The following SNRNP40 variants were observed in gnomAD, a reference collection of about 807,000 sequenced individuals.
SNRNP40 encodes the protein U5 small nuclear ribonucleoprotein 40 kDa protein.
A neutral mutation model predicts 45.8 loss-of-function variants in SNRNP40; 21 were observed. The observed-to-expected ratio is 0.46, with a 90% CI of 0.32 to 0.66. The LOEUF (loss-of-function observed/expected upper bound fraction) is 0.66. Among genes scored for constraint, SNRNP40 ranks in the 30% least tolerant of loss-of-function variants. The pLI, the probability that SNRNP40 is intolerant of heterozygous loss-of-function variation, is 0.03. For missense variants in SNRNP40, 344 were observed against 439.1 expected, an observed-to-expected ratio of 0.78 and a Z score of 1.94; for synonymous variants, 142 against 163.8, an observed-to-expected ratio of 0.87 and a Z score of 1.01.
intron 9 of SNRNP40, 51 bp from the exon 10 acceptor site, chr1:31,260,172 TG>T: frequency 7.3e-7 from 1 of 1,368,450 alleles, no homozygotes; most frequent in Non-Finnish European, 1.0e-6. Context: ...CAAGGAGACT[TG>T]GTGCTCAAGG....
At position 31,259,787 on chromosome 1, in the gene SNRNP40, T is replaced by C. The variant is rs2148377558; in HGVS notation, c.*285A>G. On this transcript the variant is annotated 3_prime_UTR_variant, in exon 10 of 10. Transcript: ENST00000263694. ...AAAAAAAAAATCCCAACCAACAAAT[T>C]TGTCACATTGGGCCTGCATTAGAAA... 1 of 576,166 alleles carries C rather than the reference T, an allele frequency of 1.7e-6. No homozygotes were observed. The highest frequency in any genetic ancestry group is 3.6e-5 in the East Asian group (1 of 27,942). The allele number at this position is 576,166 out of a possible 1,614,324, so 35.7% of individuals were successfully genotyped here.
At chr1:31,274,263 A>T (rs375638424) in intron 5 of SNRNP40, among the ~76,000 whole-genome samples, 1 of 152,178 alleles carries the variant, frequency 6.6e-6, no homozygotes, top group East Asian at 1.9e-4. Context: ...ATTGAGACCG[A>T]GTCTCCCTCT....
At chr1:31,273,542 A>C (rs1241221436) in intron 5 of SNRNP40, among the ~76,000 whole-genome samples, 2 of 152,088 alleles carry the variant, frequency 1.3e-5, no homozygotes, top group Non-Finnish European at 2.9e-5. Context: ...CGGGAGGCTG[A>C]GGCAGAAGAA....
chr1:31,261,584 C>G lies in SNRNP40; in HGVS notation c.969G>C (p.Leu323=). Reference sequence around the variant, plus strand: ...CATTGATGGAGCCAGCATGGCCGGGCAGCTTATACAATATTCTCCTGCTTG... The same window carrying G: ...CATTGATGGAGCCAGCATGGCCGGGGAGCTTATACAATATTCTCCTGCTTG... ...DTTSRRILYK[L]PGHAGSINEV... is the part of the protein sequence containing the mutation. Residue 323 remains leucine, a synonymous_variant, in exon 9 of 10, where the codon CTG becomes CTC. Coordinates refer to ENST00000263694, the MANE Select transcript of SNRNP40 (RefSeq NM_004814.3). The G allele has an allele frequency of 6.2e-7, 1 of 1,614,070 alleles. No homozygotes were observed. The highest frequency in any genetic ancestry group is 8.5e-7 in the Non-Finnish European group (1 of 1,179,970).
intron 5 of SNRNP40, among the ~76,000 whole-genome samples, chr1:31,271,717 C>CGCTGTA (rs1391672667): frequency 1.3e-5 from 2 of 151,660 alleles, no homozygotes; most frequent in African/African-American, 2.4e-5. Context: ...TATCATGGCT[C>CGCTGTA]GCTGTAGCCT....
rs1646120094 is a variant in SNRNP40, at chr1:31,293,335, C to T, written c.155G>A (p.Cys52Tyr). The stretch of plus-strand genomic sequence containing the variant: ...CATGATTGGGGCTTGAAGGGAGGAA[C>T]ATCTTGGAGGTCCCTAAACAAAAGA... ...GALLQAGPPR[C>Y]SSLQAPIMLL... The change falls in exon 2 of 10, where the codon TGT becomes TAT. Residue 52 changes from cysteine to tyrosine, a missense_variant. Around this residue, in one of 2 missense-constraint regions of SNRNP40, gnomAD observed 254 missense variants for 380.2 expected, o/e 0.67. Transcript: ENST00000263694. 1.9e-6 allele frequency: 3 copies of T among 1,609,960 alleles called. No individual in the cohort carries two copies. Among genetic ancestry groups the T allele is most frequent in the Non-Finnish European group, 2.5e-6 (3 of 1,178,804 alleles).
At chr1:31,273,957 T>G (rs1055779394) in intron 5 of SNRNP40, among the ~76,000 whole-genome samples, 11 of 152,028 alleles carry the variant, frequency 7.2e-5, no homozygotes, top group African/African-American at 2.7e-4. Context: ...AAGGAAGTTT[T>G]TTTTTGTTTT....
intron 5 of SNRNP40, among the ~76,000 whole-genome samples, chr1:31,275,020 G>A (rs866661794): frequency 1.3e-5 from 2 of 152,116 alleles, no homozygotes; most frequent in Admixed American, 6.5e-5. Context: ...TGTCACACAA[G>A]GGCTCAAGAC....
chr1:31,261,753 T>C (rs1264745830), intron 8 of SNRNP40, 121 bp from the exon 9 acceptor site: 2 of 618,678 alleles, frequency 3.2e-6, no homozygotes, highest in Non-Finnish European at 5.7e-6. Context: ...TACTGAACCA[T>C]GTTCTGGCTT....
intron 3 of SNRNP40, among the ~76,000 whole-genome samples, chr1:31,290,777 C>G (rs1026057857): frequency 6.6e-6 from 1 of 152,040 alleles, no homozygotes; most frequent in African/African-American, 2.4e-5. Context: ...ACTCAGGAGG[C>G]TGAGGCAGGA....
At chr1:31,277,150 T>C (rs1351092729) in intron 5 of SNRNP40, among the ~76,000 whole-genome samples, 3 of 152,142 alleles carry the variant, frequency 2.0e-5, no homozygotes, top group Admixed American at 6.5e-5. Flanking sequence ...TGAGCCATGA[T>C]TGCACCACTG....
Position 31,284,040 on chromosome 1 carries a change from A to G in SNRNP40, c.532-2544T>C, listed in dbSNP as rs1569663453. ...AGAGTTAGCGACCAGCCTGAGCAAC[A>G]TGGTGATTCCTCATCTCTACAAAAT... On this transcript the variant is annotated intron_variant, in intron 4 of 9. Transcript: ENST00000263694. Among the ~76,000 whole-genome samples, 4 of 152,306 alleles carry G rather than the reference A, an allele frequency of 2.6e-5. No individual in the cohort carries two copies. In the South Asian group the frequency reaches 6.2e-4, roughly 24 times the overall value.
chr1:31,288,469 G>T (rs1569669924), intron 4 of SNRNP40, among the ~76,000 whole-genome samples: 1 of 152,178 alleles, frequency 6.6e-6, no homozygotes. Context: ...TCACTTGAAG[G>T]ACACATTAAA....
At chr1:31,276,854 G>A (rs1340016492) in intron 5 of SNRNP40, among the ~76,000 whole-genome samples, 4 of 152,092 alleles carry the variant, frequency 2.6e-5, no homozygotes, top group Non-Finnish European at 5.9e-5. Context: ...TCAACATGGT[G>A]AAACCATGTC....
chr1:31,285,078 G>A (rs993273722), intron 4 of SNRNP40, among the ~76,000 whole-genome samples: 1 of 152,098 alleles, frequency 6.6e-6, no homozygotes, highest in African/African-American at 2.4e-5. Flanking sequence ...GGTAGTCAAA[G>A]TTTGTTTAAA....
rs144812175 is a variant in SNRNP40 at position 31,262,545 on chromosome 1, G to A, written c.921-913C>T. On this transcript the variant is annotated intron_variant, in intron 8 of 9. Coordinates refer to ENST00000263694, the MANE Select transcript of SNRNP40 (RefSeq NM_004814.3). ...CCAAAAAAAAAAAAAAAAAAAAAAA[G>A]AGGAGAAAAAAGAAATCAGCTTCTC... Among the ~76,000 whole-genome samples the A allele has an allele frequency of 2.2e-3, 63 of 28,472 alleles. 1 individual carries two copies. The highest frequency in any genetic ancestry group is 4.3e-3 in the African/African-American group (43 of 9,964). The allele number at this position is 28,472 out of a possible 152,430, so 18.7% of individuals were successfully genotyped here. A position where few individuals can be genotyped will look rare whatever the true frequency, so the allele number is the denominator to read the frequency against.
chr1:31,280,582 T>C (rs1055408326), intron 5 of SNRNP40, among the ~76,000 whole-genome samples: 1 of 152,166 alleles, frequency 6.6e-6, no homozygotes, highest in Non-Finnish European at 1.5e-5. Context: ...CTCTTCTTAC[T>C]ATAAAGCAGA....
chr1:31,267,490 C>T (rs769646476), intron 8 of SNRNP40, among the ~76,000 whole-genome samples: 2 of 152,252 alleles, frequency 1.3e-5, no homozygotes, highest in South Asian at 2.1e-4. Context: ...TCCATATCCA[C>T]GCTTTATGTA....
chr1:31,279,444 T>C (rs780846010), intron 5 of SNRNP40, among the ~76,000 whole-genome samples: 32 of 152,222 alleles, frequency 2.1e-4, no homozygotes, highest in Non-Finnish European at 3.5e-4. Flanking sequence ...ACCACCACCA[T>C]CATCATCCTT....
Sources: gnomAD v4.1 joint callset for allele counts (sites outside exome capture counted in the v4.1 genomes callset) on GRCh38, gnomAD v4.1.1 for gene constraint, gnomAD v4.1.1 regional missense constraint, MANE v1.5 for transcripts, NCBI Gene and HGNC (gene_info 2026-07-23, HGNC 2026-07-21) for gene names.